Variants in MAGT1 observed in about 807,000 individuals in gnomAD.
The protein encoded by MAGT1 is dolichyl-diphosphooligosaccharide--protein glycosyltransferase subunit MAGT1.
In MAGT1, 4 loss-of-function variants were observed where a neutral mutation model predicts 28.4. That is an observed-to-expected ratio of 0.14 (90% CI 0.07 to 0.32). The LOEUF (loss-of-function observed/expected upper bound fraction) is 0.32. Ranked by LOEUF, MAGT1 falls within the 10% of genes least tolerant of loss-of-function variation. The pLI is 1.00. For missense variants in MAGT1, 193 were observed against 264.5 expected, an observed-to-expected ratio of 0.73 and a Z score of 1.88; for synonymous variants, 89 against 89.7, an observed-to-expected ratio of 0.99 and a Z score of 0.04.
intron 1 of MAGT1, among the ~76,000 whole-genome samples, chrX:77,886,475 A>T (rs1015053018): frequency 9.4e-6 from 1 of 106,632 alleles, no homozygotes; most frequent in South Asian, 4.1e-4. Flanking sequence ...TTATAAAATT[A>T]AAAAAAAAAT....
At chrX:77,874,328 T>C (rs1195464767) in intron 2 of MAGT1, among the ~76,000 whole-genome samples, 1 of 105,079 alleles carries the variant, frequency 9.5e-6, no homozygotes, top group Non-Finnish European at 2.0e-5. Context: ...CTGGGTGTGG[T>C]GGCTCACGCC....
intron 3 of MAGT1, among the ~76,000 whole-genome samples, chrX:77,862,344 A>C (rs2076996838): frequency 9.0e-6 from 1 of 111,553 alleles, no homozygotes; most frequent in Admixed American, 9.7e-5. Flanking sequence ...ACAAAAACAA[A>C]AATAGACAAA....
intron 8 of MAGT1, among the ~76,000 whole-genome samples, chrX:77,840,443 A>G (rs2076931795): frequency 9.1e-6 from 1 of 109,760 alleles, no homozygotes; most frequent in Non-Finnish European, 1.9e-5. Flanking sequence ...TCTCAAAAAA[A>G]AAAAATGATG....
At chrX:77,889,508 A>T (rs1385576025) in intron 1 of MAGT1, among the ~76,000 whole-genome samples, 1 of 106,385 alleles carries the variant, frequency 9.4e-6, no homozygotes, top group African/African-American at 3.4e-5. Flanking sequence ...AGTAGCTGGG[A>T]CTACAGGCGC....
chrX:77,888,341 C>G (rs2149029398), intron 1 of MAGT1, among the ~76,000 whole-genome samples: 1 of 111,182 alleles, frequency 9.0e-6, no homozygotes, highest in South Asian at 3.7e-4. Context: ...GAAATACTTA[C>G]CAACAAAGTA....
At chrX:77,886,546 G>A (rs1263732825) in intron 1 of MAGT1, among the ~76,000 whole-genome samples, 1 of 110,871 alleles carries the variant, frequency 9.0e-6, no homozygotes, top group Non-Finnish European at 1.9e-5. Context: ...AGGAGGCTGA[G>A]GTAGAAGGAT....
At chrX:77,879,302 G>A (rs1228515405) in intron 1 of MAGT1, among the ~76,000 whole-genome samples, 6 of 111,589 alleles carry the variant, frequency 5.4e-5, no homozygotes, top group African/African-American at 2.0e-4. Context: ...TGATCTGCTC[G>A]CCTCGGCCTC....
Position 77,855,517 on chromosome X carries a change from G to C in MAGT1, c.746C>G (p.Pro249Arg). ...TTCCCTTACCACATGTCCCGTGTGG[G>C]GATTCTTATGGGCATATGGTGGTCC... is the stretch of plus-strand genomic sequence containing the variant. Reference protein sequence around the residue: ...IRGPPYAHKNPHTGHVNYIHG... With the variant: ...IRGPPYAHKNRHTGHVNYIHG... The change falls in exon 6 of 10, where the codon CCC becomes CGC. Residue 249 changes from proline to arginine, a missense_variant. Pro to Arg is a moderately radical substitution (Grantham distance 103, BLOSUM62 -2). Transcript: ENST00000618282. The C allele has an allele frequency of 8.3e-7, 1 of 1,203,492 alleles. No homozygotes were observed. The highest frequency in any genetic ancestry group is 3.0e-5 in the East Asian group (1 of 33,736).
intron 1 of MAGT1, among the ~76,000 whole-genome samples, chrX:77,891,736 C>G (rs782349810): frequency 9.0e-6 from 1 of 110,841 alleles, no homozygotes; most frequent in Non-Finnish European, 1.9e-5. Context: ...TTGAAACCAG[C>G]CTGGTCAACA....
chrX:77,846,919 C>T (rs782279996), intron 7 of MAGT1, among the ~76,000 whole-genome samples: 47 of 112,050 alleles, frequency 4.2e-4, no homozygotes, highest in African/African-American at 1.4e-3. Flanking sequence ...GTTCTCAGAT[C>T]TCAAGCTGCA....
At chrX:77,895,101 T>C (rs2077094659) in intron 1 of MAGT1, among the ~76,000 whole-genome samples, 1 of 111,428 alleles carries the variant, frequency 9.0e-6, no homozygotes, top group Non-Finnish European at 1.9e-5. Flanking sequence ...GGCTGTCACC[T>C]ACGCTACTCC....
rs1345158153 is a variant in MAGT1, at chrX:77,852,080, T to C, written c.826+1821A>G. Among the ~76,000 whole-genome samples the C allele has an allele frequency of 1.1e-4, 12 of 109,456 alleles. No individual in the cohort carries two copies. The South Asian group carries it at 3.5e-3, about 32-fold the overall frequency. Reference sequence around the variant, plus strand: ...CGCTCAGCTAATTTTTTTTTGTATTTTTAGTAGAGATGGGGTTTCACCATG... The same window carrying C: ...CGCTCAGCTAATTTTTTTTTGTATTCTTAGTAGAGATGGGGTTTCACCATG... On this transcript the variant is annotated intron_variant, in intron 7 of 9. Coordinates refer to ENST00000618282, the MANE Select transcript of MAGT1 (RefSeq NM_001367916.1).
chrX:77,876,028 T>C (rs976140598), intron 1 of MAGT1, among the ~76,000 whole-genome samples: 1 of 102,901 alleles, frequency 9.7e-6, no homozygotes, highest in African/African-American at 3.6e-5. Context: ...ATGGGGCTTC[T>C]CCATGTTGCC....
intron 1 of MAGT1, among the ~76,000 whole-genome samples, chrX:77,885,795 C>T (rs1014909020): frequency 1.8e-5 from 2 of 110,704 alleles, no homozygotes; most frequent in Admixed American, 9.7e-5. Context: ...GCCTGACCAA[C>T]ATGGTGAAAC....
Position 77,872,449 on chromosome X carries a change from T to G in MAGT1, c.273-1524A>C, listed in dbSNP as rs138911579. Among the ~76,000 whole-genome samples the G allele has an allele frequency of 7.1e-3, 796 of 112,232 alleles. 9 individuals carry two copies. The highest frequency in any genetic ancestry group is 0.025 in the African/African-American group (765 of 30,951). ...GCTTTCTTATTACCTTCAGAATACA[T>G]TCTCTAATCTCTTTCACTAGTTATT... On this transcript the variant is annotated intron_variant, in intron 2 of 9. Transcript: ENST00000618282.
intron 3 of MAGT1, among the ~76,000 whole-genome samples, chrX:77,859,331 A>G (rs994280338): frequency 2.7e-5 from 3 of 112,654 alleles, no homozygotes; most frequent in Non-Finnish European, 5.6e-5. Context: ...AGCCACAGTT[A>G]CCATTTACAG....
In MAGT1 at chrX:77,825,959, T is replaced by C. The variant is rs890869912; in HGVS notation, c.*3261A>G. Among the ~76,000 whole-genome samples, 1 of 112,823 alleles carries C rather than the reference T, an allele frequency of 8.9e-6. No individual in the cohort carries two copies. The highest frequency in any genetic ancestry group is 1.9e-5 in the Non-Finnish European group (1 of 53,423). On this transcript the variant is annotated 3_prime_UTR_variant, in exon 10 of 10. Coordinates refer to ENST00000618282, the MANE Select transcript of MAGT1 (RefSeq NM_001367916.1). Reference sequence around the variant, plus strand: ...TCCTGTGCAGTGTTTCTACTCCATGTTTGCAAAAGAGCTGCTGTCTAGTTT... The same window carrying C: ...TCCTGTGCAGTGTTTCTACTCCATGCTTGCAAAAGAGCTGCTGTCTAGTTT...
In MAGT1 at chrX:77,895,213, G is replaced by A. The variant is rs2077095017; in HGVS notation, c.102+96C>T. On this transcript the variant is annotated intron_variant, in intron 1 of 9. Transcript: ENST00000618282. ...CGTAATTGAAGCCACCAAAGGCATA[G>A]AAGCGGCAGGGAAAGGGGGCTGGGA... The A allele has an allele frequency of 6.2e-6, 6 of 968,812 alleles. No individual in the cohort carries two copies. In the African/African-American group the frequency reaches 7.6e-5, roughly 12 times the overall value. The allele number at this position is 968,812 out of a possible 1,213,427, so 79.8% of individuals were successfully genotyped here. A position where few individuals can be genotyped will look rare whatever the true frequency, so the allele number is the denominator to read the frequency against.
intron 1 of MAGT1, among the ~76,000 whole-genome samples, chrX:77,889,225 C>T (rs2077075107): frequency 9.7e-6 from 1 of 102,815 alleles, no homozygotes. Context: ...AAGCAATCTG[C>T]CCACTTTGGC....
Sources: allele counts gnomAD v4.1 joint callset (sites outside exome capture counted in the v4.1 genomes callset), GRCh38; gene constraint gnomAD v4.1.1; transcripts MANE v1.5; gene names NCBI Gene and HGNC (gene_info 2026-07-23, HGNC 2026-07-21).